SPG11: variants seen among roughly 807,000 people sequenced by gnomAD.
SPG11 encodes the protein spatacsin.
Under a neutral mutation model 274.0 loss-of-function variants are expected in SPG11, and 222 were observed. The observed-to-expected ratio is 0.81, with a 90% CI of 0.73 to 0.91. The LOEUF (loss-of-function observed/expected upper bound fraction) is 0.91. Among genes scored for constraint, SPG11 ranks in the 40% least tolerant of loss-of-function variants. The pLI is 0.00. For synonymous variants in SPG11, 1,144 were observed against 1,039.7 expected, an observed-to-expected ratio of 1.10 and a Z score of -1.93; for missense variants, 3,114 against 2,872.7, an observed-to-expected ratio of 1.08 and a Z score of -1.92.
At chr15:44,662,314 T>C (rs1446266342) in intron 1 of SPG11, among the ~76,000 whole-genome samples, 3 of 152,156 alleles carry the variant, frequency 2.0e-5, no homozygotes, top group Non-Finnish European at 4.4e-5. Context: ...CCAAGATTAA[T>C]AAGACACCTT....
At position 44,570,665 on chromosome 15, in the gene SPG11, G is replaced by T; in HGVS notation, c.6344-7C>A. 2 of 1,613,650 alleles carry T rather than the reference G, an allele frequency of 1.2e-6. No individual in the cohort carries two copies. Among genetic ancestry groups the T allele is most frequent in the Non-Finnish European group, 1.7e-6 (2 of 1,179,848 alleles). ...AGGATCAGGAGCTCTGTGGCTGGGA[G>T]GGTGGGCACTGGTAAGATAAGATTA... On this transcript the variant is annotated splice_region_variant and splice_polypyrimidine_tract_variant and intron_variant, in intron 33 of 39. Coordinates refer to ENST00000261866, the MANE Select transcript of SPG11 (RefSeq NM_025137.4).
chr15:44,603,736 A>C (rs1011133971), intron 20 of SPG11, among the ~76,000 whole-genome samples: 9 of 152,344 alleles, frequency 5.9e-5, no homozygotes, highest in African/African-American at 2.2e-4. Context: ...ATAGCATAGT[A>C]TTTATATATA....
chr15:44,641,236 T>C (rs2084430269), intron 7 of SPG11, among the ~76,000 whole-genome samples: 1 of 152,030 alleles, frequency 6.6e-6, no homozygotes, highest in Non-Finnish European at 1.5e-5. Context: ...CAGAGATTGC[T>C]GTGAGCTGAG....
chr15:44,623,042 G>A (rs950185948), intron 11 of SPG11, among the ~76,000 whole-genome samples: 3 of 152,136 alleles, frequency 2.0e-5, no homozygotes, highest in African/African-American at 7.2e-5. Flanking sequence ...TCGACCCCCA[G>A]GCTCAAAGCG....
chr15:44,661,012 G>A (rs1200702339), intron 1 of SPG11, among the ~76,000 whole-genome samples: 1 of 152,104 alleles, frequency 6.6e-6, no homozygotes, highest in Non-Finnish European at 1.5e-5. Flanking sequence ...TAACTTAAAT[G>A]TTTTGACTTT....
At chr15:44,609,037 T>C (rs2083392070) in intron 18 of SPG11, among the ~76,000 whole-genome samples, 1 of 152,320 alleles carries the variant, frequency 6.6e-6, no homozygotes, top group Non-Finnish European at 1.5e-5. Context: ...GAGGATTAAA[T>C]AGTCGTGTTT....
rs781728278 is a variant in SPG11 at position 44,652,179 on chromosome 15, A to T, written c.957T>A (p.Val319=). 2 of 1,614,182 alleles carry T rather than the reference A, an allele frequency of 1.2e-6. No homozygotes were observed. Among genetic ancestry groups the T allele is most frequent in the South Asian group, 2.2e-5 (2 of 91,088 alleles). Residue 319 remains valine (V), a synonymous_variant, in exon 5 of 40, where the codon GTT becomes GTA. Coordinates refer to ENST00000261866, the MANE Select transcript of SPG11 (RefSeq NM_025137.4). ...CCAGTTTCATGTTGTAGGCAGAGTT[A>T]ACAGGATCATCTTCATCTACGCCCT... ...GPKGVDEDDP[V]NSAYNMKLAK... is the part of the protein sequence containing the mutation.
chr15:44,588,203 A>G (rs191292794), intron 28 of SPG11, among the ~76,000 whole-genome samples: 203 of 152,248 alleles, frequency 1.3e-3, no homozygotes, highest in African/African-American at 4.4e-3. Context: ...AAAACTTGAA[A>G]TTATCAAACA....
At position 44,563,148 on chromosome 15, in the gene SPG11, G is replaced by C; in HGVS notation, c.7305C>G (p.Cys2435Trp). Residue 2435 changes from cysteine to tryptophan, a missense_variant, in exon 40 of 40, where the codon TGC (cysteine) becomes TGG (tryptophan). By Grantham distance (215) the Cys-to-Trp change is radical (BLOSUM62 -2). Coordinates refer to ENST00000261866, the MANE Select transcript of SPG11 (RefSeq NM_025137.4). ...AACCTGCTAGCATGTCCTTTAGACA[G>C]CAACCTGTCTGAGGGTCCTTCAGAA... ...NVLLKDPQTG[C>W]CLKDMLAG 1 of 1,614,126 alleles carries C rather than the reference G, an allele frequency of 6.2e-7. No homozygotes were observed. Among genetic ancestry groups the C allele is most frequent in the Non-Finnish European group, 8.5e-7 (1 of 1,180,016 alleles).
chr15:44,618,600 G>A lies in SPG11; in HGVS notation c.2834+1590C>T, dbSNP rs187652864. Among the ~76,000 whole-genome samples, 889 of 150,636 alleles carry A rather than the reference G, an allele frequency of 5.9e-3. 9 individuals carry two copies. Among genetic ancestry groups the A allele is most frequent in the African/African-American group, 0.021 (849 of 40,950 alleles). ...TGGGAGGCCGAGGCGGGCAGAACACGAGGTCAGGAGATGAAGACCATCCTG... is the reference window on the plus strand; with the variant it reads ...TGGGAGGCCGAGGCGGGCAGAACACAAGGTCAGGAGATGAAGACCATCCTG... On this transcript the variant is annotated intron_variant, in intron 15 of 39. Coordinates refer to ENST00000261866, the MANE Select transcript of SPG11 (RefSeq NM_025137.4).
At chr15:44,657,034 T>A in intron 4 of SPG11, 61 bp downstream of exon 4, 1 of 1,459,468 alleles carries the variant, frequency 6.9e-7, no homozygotes, top group Non-Finnish European at 9.4e-7. Flanking sequence ...ACGAGGATAT[T>A]TTTAACCTCT....
chr15:44,630,056 A>C (rs1027298801), intron 8 of SPG11, among the ~76,000 whole-genome samples: 1 of 151,866 alleles, frequency 6.6e-6, no homozygotes, highest in Non-Finnish European at 1.5e-5. Flanking sequence ...CCTGGGCAAC[A>C]GAGTGAAAAA....
chr15:44,566,152 AAAG>A lies in SPG11; in HGVS notation c.6843+62_6843+64del, dbSNP rs1283760406. ...TTCACCTGGAAAGAGCCCAAGGACA[AAAG>A]AAAATAATTTTACTGCAGACAGCAA... On this transcript the variant is annotated intron_variant, in intron 37 of 39. Coordinates refer to ENST00000261866, the MANE Select transcript of SPG11 (RefSeq NM_025137.4). 8.1e-6 allele frequency: 13 copies of A among 1,604,088 alleles called. No homozygotes were observed. The Admixed American group carries it at 1.5e-4, about 19-fold the overall frequency.
intron 30 of SPG11, among the ~76,000 whole-genome samples, chr15:44,575,645 C>A (rs948327545): frequency 1.3e-5 from 2 of 151,852 alleles, no homozygotes; most frequent in African/African-American, 4.8e-5. Flanking sequence ...CAGGCGTGCA[C>A]CACCACACCT....
intron 28 of SPG11, among the ~76,000 whole-genome samples, chr15:44,587,008 T>C (rs2082780342): frequency 6.6e-6 from 1 of 152,186 alleles, no homozygotes; most frequent in Non-Finnish European, 1.5e-5. Context: ...ACTGAGCTCC[T>C]CCTGATGTCC....
chr15:44,634,597 T>A (rs2084183885), intron 7 of SPG11, among the ~76,000 whole-genome samples: 1 of 151,948 alleles, frequency 6.6e-6, no homozygotes, highest in African/African-American at 2.4e-5. Flanking sequence ...TTCTCAGTTG[T>A]CTTTTTTGAG....
In SPG11 at chr15:44,573,704, AC is replaced by A. The variant is rs753654355; in HGVS notation, c.6047del (p.Gly2016ValfsTer42). ...CCAAGATTTTCCGGAGCATGGCTTC[AC>A]CATCCTGAGCAGCAACATCTGTGTA... Reference protein sequence around the residue: ...CSYTDVAAQDGEAMLRKILAS... With the variant: ...CSYTDVAAQDXEAMLRKILAS... On this transcript the variant is annotated frameshift_variant, in exon 32 of 40. Coordinates refer to ENST00000261866, the MANE Select transcript of SPG11 (RefSeq NM_025137.4). LOFTEE classifies it high-confidence loss of function. 6.2e-7 allele frequency: 1 copy of A among 1,614,210 alleles called. No homozygotes were observed. The highest frequency in any genetic ancestry group is 1.1e-5 in the South Asian group (1 of 91,088).
At chr15:44,645,289 G>A (rs2084573283) in intron 7 of SPG11, among the ~76,000 whole-genome samples, 1 of 152,120 alleles carries the variant, frequency 6.6e-6, no homozygotes, top group African/African-American at 2.4e-5. Context: ...CAATAGAACA[G>A]AACAGAGAGC....
At position 44,564,654 on chromosome 15, in the gene SPG11, A is replaced by G; in HGVS notation, c.7044T>C (p.Ala2348=). 1.2e-6 allele frequency: 2 copies of G among 1,614,172 alleles called. No individual in the cohort carries two copies. Among genetic ancestry groups the G allele is most frequent in the Non-Finnish European group, 1.7e-6 (2 of 1,180,002 alleles). ...GAATCACTTGCTGGTATAAAATTTC[A>G]GCCCAATCTGGAACAAAATCGTAGG... The part of the protein sequence containing the change: ...AEAYDFVPDW[A]EILYQQVILK... Residue 2348 remains alanine, a synonymous_variant, in exon 39 of 40, where the codon GCT becomes GCC. Transcript: ENST00000261866.
Sources: gnomAD v4.1 joint callset for allele counts (sites outside exome capture counted in the v4.1 genomes callset) on GRCh38, gnomAD v4.1.1 for gene constraint, MANE v1.5 for transcripts, NCBI Gene and HGNC (gene_info 2026-07-23, HGNC 2026-07-21) for gene names.